Variants in VIPAS39 observed in about 807,000 individuals in gnomAD.
VIPAS39 encodes VPS33B interacting protein, apical-basolateral polarity regulator, spe-39 homolog, also known as spermatogenesis-defective protein 39 homolog.
Under a neutral mutation model 84.7 loss-of-function variants are expected in VIPAS39, and 63 were observed. The observed-to-expected ratio is 0.74, with a 90% confidence interval of 0.61 to 0.92. The LOEUF is 0.92. VIPAS39 is among the 40% of genes least tolerant of loss of function. The pLI is 0.00. For synonymous variants in VIPAS39, 192 were observed against 216.5 expected (o/e 0.89, Z 0.99); for missense variants, 499 against 604.5 (o/e 0.83, Z 1.83).
At position 77,451,261 on chromosome 14, in the gene VIPAS39, C is replaced by T. The variant is rs761383550; in HGVS notation, c.269G>A (p.Ser90Asn). ...STHEGREQLK[S>N]RNSFSSYAQL... is the part of the protein sequence containing the mutation. Reference sequence around the variant, plus strand: ...TGCATAGGAGGAGAAGCTGTTTCGGCTCTTTAGCTGTTCACGCCCCTCGTG... The same window carrying T: ...TGCATAGGAGGAGAAGCTGTTTCGGTTCTTTAGCTGTTCACGCCCCTCGTG... The change falls in exon 4 of 20, where the codon AGC becomes AAC. Residue 90 changes from serine to asparagine, a missense_variant. By Grantham distance (46) the Ser-to-Asn change is conservative. Coordinates refer to ENST00000557658, the MANE Select transcript of VIPAS39 (RefSeq NM_001193315.2). 1 of 1,614,224 alleles carries T rather than the reference C, an allele frequency of 6.2e-7. No individual in the cohort carries two copies. The highest frequency in any genetic ancestry group is 2.2e-5 in the East Asian group (1 of 44,878).
chr14:77,455,298 T>C (rs772907310), intron 1 of VIPAS39, among the ~76,000 whole-genome samples: 7 of 151,998 alleles, frequency 4.6e-5, no homozygotes, highest in Admixed American at 2.0e-4. Flanking sequence ...CTGGGCAACA[T>C]TGTAAAACTG....
intron 7 of VIPAS39, 56 bp downstream of exon 7, chr14:77,448,438 G>T: frequency 6.6e-7 from 1 of 1,521,278 alleles, no homozygotes; most frequent in Non-Finnish European, 9.1e-7. Context: ...AATCTTCCCT[G>T]TGTGAACAAG....
At chr14:77,428,793 C>G (rs898084409) in intron 18 of VIPAS39, among the ~76,000 whole-genome samples, 1 of 152,106 alleles carries the variant, frequency 6.6e-6, no homozygotes, top group Non-Finnish European at 1.5e-5. Context: ...TCTCCAAGTA[C>G]GACAAGTTTA....
In VIPAS39 at chr14:77,436,804, A is replaced by G. The variant is rs527238844; in HGVS notation, c.837-885T>C. Among the ~76,000 whole-genome samples, 29 of 152,292 alleles carry G rather than the reference A, an allele frequency of 1.9e-4. No individual in the cohort carries two copies. In the South Asian group the frequency reaches 4.1e-3, roughly 22 times the overall value. On this transcript the variant is annotated intron_variant, in intron 12 of 19. Transcript: ENST00000557658. ...GTCTTGCCAAAAAGTCATGTGGTCA[A>G]TGGGGAAGGCCAAGAATAGAAGCCA... is the stretch of plus-strand genomic sequence containing the variant.
chr14:77,429,712 T>C lies in VIPAS39; in HGVS notation c.1235A>G (p.Glu412Gly), dbSNP rs2078489664. The change falls in exon 17 of 20, where the codon GAA (glutamate) becomes GGA (glycine). Residue 412 changes from glutamate (E) to glycine (G), a missense_variant. Physicochemically the swap from Glu to Gly is moderately conservative, Grantham distance 98 (BLOSUM62 -2). Coordinates refer to ENST00000557658, the MANE Select transcript of VIPAS39 (RefSeq NM_001193315.2). ...RAPIGFHRVV[E>G]ILHKNNAPVQ... Reference sequence around the variant, plus strand: ...AGGGGCATTGTTCTTGTGCAAAATTTCGACAACCCGATGGAAGCCAATGGG... The same window carrying C: ...AGGGGCATTGTTCTTGTGCAAAATTCCGACAACCCGATGGAAGCCAATGGG... The C allele has an allele frequency of 6.2e-7, 1 of 1,614,068 alleles. No homozygotes were observed. The highest frequency in any genetic ancestry group is 1.7e-5 in the Admixed American group (1 of 59,996).
chr14:77,443,211 C>A, intron 8 of VIPAS39, 59 bp from the exon 9 acceptor site: 1 of 1,597,300 alleles, frequency 6.3e-7, no homozygotes, highest in Non-Finnish European at 8.6e-7. Context: ...ATGCCCTGAG[C>A]ACTACAGACA....
intron 16 of VIPAS39, among the ~76,000 whole-genome samples, chr14:77,430,002 T>C (rs1423387345): frequency 6.6e-6 from 1 of 152,242 alleles, no homozygotes; most frequent in African/African-American, 2.4e-5. Context: ...GGGAAAAGTC[T>C]TGAAATACTA....
chr14:77,430,815 G>A (rs576718999), intron 16 of VIPAS39, among the ~76,000 whole-genome samples: 4 of 151,656 alleles, frequency 2.6e-5, no homozygotes, highest in African/African-American at 9.7e-5. Flanking sequence ...AATCAAAACA[G>A]TACGGGGCTG....
At chr14:77,448,885 G>C (rs112489069) in intron 6 of VIPAS39, among the ~76,000 whole-genome samples, 16 of 152,264 alleles carry the variant, frequency 1.1e-4, no homozygotes, top group African/African-American at 3.9e-4. Context: ...GCCAACAGAA[G>C]GAAAGAGAGA....
intron 12 of VIPAS39, among the ~76,000 whole-genome samples, chr14:77,436,887 T>A (rs1258297400): frequency 6.6e-6 from 1 of 152,224 alleles, no homozygotes; most frequent in Non-Finnish European, 1.5e-5. Flanking sequence ...TTATTCCCCA[T>A]ACTCTGCTCA....
intron 1 of VIPAS39, among the ~76,000 whole-genome samples, chr14:77,454,701 C>T (rs191399343): frequency 2.1e-5 from 3 of 143,076 alleles, no homozygotes; most frequent in Admixed American, 7.0e-5. Flanking sequence ...AAGTGTCAGA[C>T]GTGGGGACCC....
chr14:77,442,539 G>A (rs2078719118), intron 10 of VIPAS39, 21 bp downstream of exon 10: 1 of 1,589,256 alleles, frequency 6.3e-7, no homozygotes, highest in Admixed American at 1.7e-5. Context: ...AAACTTTATA[G>A]ACCAGATGAT....
At chr14:77,444,382 T>C in intron 7 of VIPAS39, 41 bp from the exon 8 acceptor site, 1 of 1,551,070 alleles carries the variant, frequency 6.4e-7, no homozygotes, top group Non-Finnish European at 8.9e-7. Context: ...AGAAGACAGT[T>C]TTCTTTATTC....
In VIPAS39 at chr14:77,451,277, G is replaced by A. The variant is rs1424472118; in HGVS notation, c.253C>T (p.Arg85Cys). Reference protein sequence around the residue: ...AGNSGSTHEGREQLKSRNSFS... With the variant: ...AGNSGSTHEGCEQLKSRNSFS... ...CTGTTTCGGCTCTTTAGCTGTTCAC[G>A]CCCCTCGTGGGTTGAGCCGCTATTA... The change falls in exon 4 of 20, where the codon CGT becomes TGT. Residue 85 changes from arginine to cysteine, a missense_variant. Arg to Cys is a radical substitution (Grantham distance 180). Transcript: ENST00000557658. 6.2e-6 allele frequency: 10 copies of A among 1,614,190 alleles called. No individual in the cohort carries two copies. The highest frequency in any genetic ancestry group is 1.7e-5 in the Admixed American group (1 of 60,010).
chr14:77,429,115 C>T lies in VIPAS39; in HGVS notation c.1267-20G>A, dbSNP rs753375973. ...TAATATCTGTGGGAAGAGGTACTTCCGATTAATGATTCAAACACCCATAAG... is the reference window on the plus strand; with the variant it reads ...TAATATCTGTGGGAAGAGGTACTTCTGATTAATGATTCAAACACCCATAAG... On this transcript the variant is annotated intron_variant, in intron 17 of 19. Transcript: ENST00000557658. 1.1e-5 allele frequency: 17 copies of T among 1,606,816 alleles called. No homozygotes were observed. Among genetic ancestry groups the T allele is most frequent in the Admixed American group, 6.7e-5 (4 of 59,950 alleles).
chr14:77,457,273 G>T, intron 1 of VIPAS39: 1 of 1,535,498 alleles, frequency 6.5e-7, no homozygotes, highest in Non-Finnish European at 8.7e-7. Flanking sequence ...TTAAATGCTC[G>T]TTCTGAACCA....
chr14:77,429,290 A>G (rs1772604144), intron 17 of VIPAS39, among the ~76,000 whole-genome samples, 195 bp from the exon 18 acceptor site: 1 of 152,228 alleles, frequency 6.6e-6, no homozygotes, highest in Non-Finnish European at 1.5e-5. Flanking sequence ...TGCCTCAGTA[A>G]GCAGGAAAGA....
chr14:77,438,382 C>T (rs1461630524), intron 11 of VIPAS39, among the ~76,000 whole-genome samples: 2 of 152,180 alleles, frequency 1.3e-5, no homozygotes, highest in Admixed American at 1.3e-4. Flanking sequence ...GTGCCCACCA[C>T]CATGCCTGGC....
At position 77,435,390 on chromosome 14, in the gene VIPAS39, T is replaced by C; in HGVS notation, c.916A>G (p.Asn306Asp). ...CCTGCTGATTCTAGATGGCGATCAT[T>C]TGCCTGTGGTGGAGTGAGCCAAGTG... ...LLERQIIIEA[N>D]DRHLESAGQT... Residue 306 changes from asparagine (N) to aspartate (D), a missense_variant, in exon 14 of 20, where the codon AAT (asparagine) becomes GAT (aspartate). Asn to Asp is a conservative substitution (Grantham distance 23, BLOSUM62 1). Transcript: ENST00000557658. 3 of 1,586,752 alleles carry C rather than the reference T, an allele frequency of 1.9e-6. No homozygotes were observed. Among genetic ancestry groups the C allele is most frequent in the Non-Finnish European group, 2.6e-6 (3 of 1,163,800 alleles).
Sources: allele counts gnomAD v4.1 joint callset (sites outside exome capture counted in the v4.1 genomes callset), GRCh38; gene constraint gnomAD v4.1.1; transcripts MANE v1.5; gene names NCBI Gene and HGNC (gene_info 2026-07-23, HGNC 2026-07-21).